The following ODAD4 variants were observed in gnomAD, a reference collection of about 807,000 sequenced individuals.
ODAD4 encodes the protein outer dynein arm-docking complex subunit 4.
In ODAD4, 49 loss-of-function variants were observed where a neutral mutation model predicts 51.8. That is an observed-to-expected ratio of 0.95 (90% CI 0.75 to 1.20). ODAD4 has a LOEUF of 1.20. ODAD4 is among the 50% of genes most tolerant of loss of function. The pLI, the probability that ODAD4 is intolerant of heterozygous loss-of-function variation, is 0.00. For missense variants in ODAD4, 590 were observed against 586.5 expected, an observed-to-expected ratio of 1.01 and a Z score of -0.06; for synonymous variants, 235 against 221.3, an observed-to-expected ratio of 1.06 and a Z score of -0.55.
chr17:41,957,590 TCA>T (rs2050750305), intron 10 of ODAD4, among the ~76,000 whole-genome samples: 2 of 152,168 alleles, frequency 1.3e-5, no homozygotes, highest in Non-Finnish European at 2.9e-5. Flanking sequence ...TGTGATTTCC[TCA>T]TTCTCTTGCC....
chr17:41,939,209 C>A (rs369321866), intron 7 of ODAD4, 37 bp downstream of exon 7: 5 of 1,573,500 alleles, frequency 3.2e-6, no homozygotes, highest in Non-Finnish European at 2.6e-6. Context: ...CGTGAGCCTA[C>A]GGAGAAGGAC....
chr17:41,955,073 G>T, intron 9 of ODAD4, 144 bp from the exon 10 acceptor site: 1 of 717,706 alleles, frequency 1.4e-6, no homozygotes, highest in Non-Finnish European at 2.6e-6. Flanking sequence ...GCAGCTCAGT[G>T]ATGCTTCCCT....
At chr17:41,954,953 G>A (rs2050709046) in intron 9 of ODAD4, 4 of 543,710 alleles carry the variant, frequency 7.4e-6, no homozygotes, top group African/African-American at 3.8e-5. Context: ...GCACTAGACT[G>A]CACCACAGTC....
chr17:41,952,068 T>C (rs2050661219), intron 9 of ODAD4, among the ~76,000 whole-genome samples: 1 of 150,960 alleles, frequency 6.6e-6, no homozygotes, highest in Non-Finnish European at 1.5e-5. Context: ...ACCTCATCTC[T>C]ACAAAAAATA....
intron 1 of ODAD4, among the ~76,000 whole-genome samples, 157 bp from the exon 2 acceptor site, chr17:41,935,060 G>A (rs1487463006): frequency 6.6e-6 from 1 of 152,178 alleles, no homozygotes; most frequent in Non-Finnish European, 1.5e-5. Flanking sequence ...CCAGAGGCCT[G>A]TGTGCTGGCC....
chr17:41,944,927 T>C (rs781826437), intron 7 of ODAD4, among the ~76,000 whole-genome samples: 2 of 152,218 alleles, frequency 1.3e-5, no homozygotes, highest in Admixed American at 6.5e-5. Flanking sequence ...AAGCTGTTGA[T>C]TGATTACTCT....
At chr17:41,951,940 A>G (rs2144522425) in intron 9 of ODAD4, among the ~76,000 whole-genome samples, 1 of 150,728 alleles carries the variant, frequency 6.6e-6, no homozygotes, top group East Asian at 2.0e-4. Context: ...GCTAACACTT[A>G]TAATCCTGGC....
intron 10 of ODAD4, among the ~76,000 whole-genome samples, chr17:41,961,124 C>A (rs546956365): frequency 6.6e-6 from 1 of 152,358 alleles, no homozygotes; most frequent in East Asian, 1.9e-4. Context: ...ATAGACACAA[C>A]TCCCAATACA....
In ODAD4 at chr17:41,938,722, A is replaced by C; in HGVS notation, c.791A>C (p.Lys264Thr). ...LMQEKWLRDH[K>T]RRPSQTAHYI... ...CAAGAGAAATGGCTGCGGGACCACA[A>C]ACGCCGTCCCTCACAGACAGCCCAT... The change falls in exon 6 of 12, where the codon AAA becomes ACA. Residue 264 changes from lysine (K) to threonine (T), a missense_variant. Physicochemically the swap from Lys to Thr is moderately conservative, Grantham distance 78. Around this residue, in one of 3 missense-constraint regions of ODAD4, gnomAD observed 360 missense variants for 407.5 expected, o/e 0.88. Transcript: ENST00000377540. The C allele has an allele frequency of 6.2e-7, 1 of 1,613,814 alleles. No individual in the cohort carries two copies. Among genetic ancestry groups the C allele is most frequent in the Non-Finnish European group, 8.5e-7 (1 of 1,179,888 alleles).
intron 8 of ODAD4, among the ~76,000 whole-genome samples, chr17:41,946,919 C>T (rs372586812): frequency 1.3e-5 from 2 of 151,606 alleles, no homozygotes; most frequent in African/African-American, 2.4e-5. Flanking sequence ...GGCGTGATCT[C>T]GGCTCACTGC....
chr17:41,945,984 T>C (rs2050579773), intron 8 of ODAD4, among the ~76,000 whole-genome samples: 1 of 152,210 alleles, frequency 6.6e-6, no homozygotes, highest in South Asian at 2.1e-4. Flanking sequence ...AAATGCAGTG[T>C]TGGTGTTTAA....
At chr17:41,949,818 G>A (rs1394858741) in intron 9 of ODAD4, among the ~76,000 whole-genome samples, 3 of 152,028 alleles carry the variant, frequency 2.0e-5, no homozygotes, top group African/African-American at 7.2e-5. Flanking sequence ...GATTACAGGC[G>A]TCTGCCACCA....
chr17:41,941,594 TCTA>T (rs1567931557), intron 7 of ODAD4, among the ~76,000 whole-genome samples: 1 of 151,924 alleles, frequency 6.6e-6, no homozygotes, highest in Non-Finnish European at 1.5e-5. Flanking sequence ...AAACCCCATC[TCTA>T]CTAAAAATAC....
Position 41,949,264 on chromosome 17 carries a change from T to C in ODAD4, c.1257T>C (p.Tyr419=), listed in dbSNP as rs2050624423. 5.0e-6 allele frequency: 2 copies of C among 398,414 alleles called. No homozygotes were observed. Among genetic ancestry groups the C allele is most frequent in the Middle Eastern group, 6.2e-4 (1 of 1,610 alleles). 24.7% of individuals were successfully genotyped at this position (398,414 alleles called of 1,614,324 possible). The stretch of plus-strand genomic sequence containing the variant: ...ACCAGGCCTGGCAGGCCCAGAATTA[T>C]GGCGAGAAGTCCCAGCAGTGTGCCG... The part of the protein sequence containing the change: ...ELDQAWQAQN[Y]GEKSQQCAEE... Residue 419 remains tyrosine (Y), a synonymous_variant, in exon 9 of 12, where the codon TAT becomes TAC. Transcript: ENST00000377540.
At chr17:41,935,779 C>T (rs782691479) in intron 3 of ODAD4, 30 bp downstream of exon 3, 8 of 1,612,030 alleles carry the variant, frequency 5.0e-6, no homozygotes, top group Non-Finnish European at 6.8e-6. Flanking sequence ...ATGCCCTTAT[C>T]CAGGAAGGTC....
chr17:41,959,413 G>T (rs2050775459), intron 10 of ODAD4, among the ~76,000 whole-genome samples: 1 of 152,200 alleles, frequency 6.6e-6, no homozygotes, highest in Non-Finnish European at 1.5e-5. Context: ...ATCATTGAAA[G>T]AAGCCAGATT....
intron 11 of ODAD4, among the ~76,000 whole-genome samples, chr17:41,964,625 T>C (rs1010516773): frequency 2.6e-5 from 4 of 152,138 alleles, no homozygotes; most frequent in Non-Finnish European, 5.9e-5. Flanking sequence ...TCCACAGAGA[T>C]GAACAGTTTC....
intron 8 of ODAD4, among the ~76,000 whole-genome samples, chr17:41,946,973 C>A (rs1327630885): frequency 3.3e-5 from 5 of 151,940 alleles, no homozygotes; most frequent in Non-Finnish European, 7.4e-5. Context: ...GCCTCAGCCT[C>A]CTGAGTAGTG....
chr17:41,966,485 A>G lies in ODAD4; in HGVS notation c.*1002A>G, dbSNP rs2050889604. Among the ~76,000 whole-genome samples the G allele has an allele frequency of 6.6e-6, 1 of 152,256 alleles. No individual in the cohort carries two copies. Among genetic ancestry groups the G allele is most frequent in the Non-Finnish European group, 1.5e-5 (1 of 68,038 alleles). ...GAATAAAATATCAAAAATTAAAGACAGGATCCGACTTTGCACGACCCTGCC... is the reference window on the plus strand; with the variant it reads ...GAATAAAATATCAAAAATTAAAGACGGGATCCGACTTTGCACGACCCTGCC... On this transcript the variant is annotated 3_prime_UTR_variant, in exon 12 of 12. Transcript: ENST00000377540.
Sources: gnomAD v4.1 joint callset for allele counts (sites outside exome capture counted in the v4.1 genomes callset) on GRCh38, gnomAD v4.1.1 for gene constraint, gnomAD v4.1.1 regional missense constraint, MANE v1.5 for transcripts, NCBI Gene and HGNC (gene_info 2026-07-23, HGNC 2026-07-21) for gene names.